Variants in AOPEP observed in about 807,000 individuals in gnomAD.
AOPEP encodes the protein aminopeptidase O.
A neutral mutation model predicts 98.1 loss-of-function variants in AOPEP; 77 were observed. The ratio of observed to expected loss-of-function variants is 0.78; its 90% CI spans 0.65 to 0.95. The LOEUF (loss-of-function observed/expected upper bound fraction) is 0.95, where lower values mean the gene tolerates loss of function less well. Among genes scored for constraint, AOPEP ranks in the 40% least tolerant of loss-of-function variants. The pLI, the probability that AOPEP is intolerant of heterozygous loss-of-function variation, is 0.00. For missense variants in AOPEP, 1,024 were observed against 1,024.7 expected, an observed-to-expected ratio of 1.00 and a Z score of 0.01; for synonymous variants, 346 against 365.3, an observed-to-expected ratio of 0.95 and a Z score of 0.60.
intron 5 of AOPEP, among the ~76,000 whole-genome samples, chr9:94,805,214 C>T (rs987393846): frequency 3.9e-5 from 6 of 151,926 alleles, no homozygotes; most frequent in African/African-American, 7.3e-5. Flanking sequence ...TACCATCTCC[C>T]GACTGGCTAA....
chr9:95,086,456 C>G (rs1310100421), intron 16 of AOPEP: 1 of 985,306 alleles, frequency 1.0e-6, no homozygotes, highest in East Asian at 1.1e-4. Flanking sequence ...ATTGTGTACG[C>G]AAAGCCTGAG....
chr9:94,982,986 T>C (rs2060284604), intron 11 of AOPEP, among the ~76,000 whole-genome samples: 2 of 152,200 alleles, frequency 1.3e-5, no homozygotes. Flanking sequence ...CTCCTTATTT[T>C]AGTTGCTACA....
intron 5 of AOPEP, among the ~76,000 whole-genome samples, chr9:94,821,895 G>A (rs571633516): frequency 1.3e-5 from 2 of 150,448 alleles, no homozygotes; most frequent in African/African-American, 4.9e-5. Context: ...GTTTTTTTTT[G>A]TATTTCTAAA....
chr9:94,922,492 C>G (rs1399014445), intron 5 of AOPEP, among the ~76,000 whole-genome samples: 1 of 152,244 alleles, frequency 6.6e-6, no homozygotes, highest in Non-Finnish European at 1.5e-5. Context: ...TGGTACATTT[C>G]TGTGGCTTTT....
chr9:94,896,567 TTGATG>T (rs2049592147), intron 5 of AOPEP, among the ~76,000 whole-genome samples: 1 of 152,224 alleles, frequency 6.6e-6, no homozygotes, highest in Non-Finnish European at 1.5e-5. Context: ...AGCAGGTTCC[TTGATG>T]TGATGTGATG....
At chr9:94,771,890 G>A (rs1285565412) in intron 2 of AOPEP, among the ~76,000 whole-genome samples, 2 of 151,886 alleles carry the variant, frequency 1.3e-5, no homozygotes, top group African/African-American at 2.4e-5. Context: ...TGGTCTCTCC[G>A]CTCTTCTATC....
At chr9:94,914,629 T>A (rs1441650790) in intron 5 of AOPEP, among the ~76,000 whole-genome samples, 1 of 151,954 alleles carries the variant, frequency 6.6e-6, no homozygotes, top group Non-Finnish European at 1.5e-5. Flanking sequence ...ATCTTTCAAA[T>A]TTTTAATGTA....
intron 5 of AOPEP, among the ~76,000 whole-genome samples, chr9:94,889,020 C>A (rs558382590): frequency 2.0e-5 from 3 of 152,050 alleles, no homozygotes; most frequent in African/African-American, 7.2e-5. Flanking sequence ...CCCTGCCCCT[C>A]GAAACCTCTC....
intron 15 of AOPEP, among the ~76,000 whole-genome samples, chr9:95,081,231 C>G (rs1466803232): frequency 6.6e-6 from 1 of 152,228 alleles, no homozygotes; most frequent in Non-Finnish European, 1.5e-5. Flanking sequence ...GAGAGCTTTT[C>G]TCACTGTTCA....
At chr9:94,887,719 G>A (rs866197992) in intron 5 of AOPEP, among the ~76,000 whole-genome samples, 3 of 152,264 alleles carry the variant, frequency 2.0e-5, no homozygotes, top group Middle Eastern at 3.4e-3. Context: ...GAGATAACTC[G>A]GTCCTCTCTT....
chr9:95,009,708 C>T (rs903343009), intron 13 of AOPEP, among the ~76,000 whole-genome samples: 5 of 152,222 alleles, frequency 3.3e-5, no homozygotes, highest in African/African-American at 7.2e-5. Context: ...CCAACAACAG[C>T]GCACTTCAAT....
the AOPEP span, among the ~76,000 whole-genome samples, chr9:95,143,707 G>A: frequency 3.9e-5 from 6 of 152,112 alleles, no homozygotes; most frequent in Non-Finnish European, 7.3e-5. Flanking sequence ...TATTTTTGAA[G>A]CAGTGGATTC....
chr9:94,792,779 T>A lies in AOPEP; in HGVS notation c.979T>A (p.Tyr327Asn). The A allele has an allele frequency of 6.2e-7, 1 of 1,610,482 alleles. No individual in the cohort carries two copies. The highest frequency in any genetic ancestry group is 8.5e-7 in the Non-Finnish European group (1 of 1,177,816). ...CCTGTTTACAGAGTGCTCAAGCTGG[T>A]ATTACTATGTAACTATGCCAATGCC... ...TQLWEECSSW[Y>N]YYVTMPMPAS... is the part of the protein sequence containing the mutation. Residue 327 changes from tyrosine (Y) to asparagine (N), a missense_variant, in exon 4 of 17, where the codon TAT becomes AAT. Physicochemically the swap from Tyr to Asn is moderately radical, Grantham distance 143 (BLOSUM62 -2). Coordinates refer to ENST00000375315, the MANE Select transcript of AOPEP (RefSeq NM_001193329.3).
intron 16 of AOPEP, among the ~76,000 whole-genome samples, chr9:95,083,500 CAG>C (rs773003653): frequency 2.6e-5 from 4 of 150,956 alleles, no homozygotes; most frequent in South Asian, 2.1e-4. Flanking sequence ...ACACACCACA[CAG>C]AGCACCTGGA....
chr9:95,022,875 C>T (rs1290063996), intron 13 of AOPEP, among the ~76,000 whole-genome samples: 3 of 152,046 alleles, frequency 2.0e-5, no homozygotes, highest in African/African-American at 7.3e-5. Context: ...CTTATTTTTC[C>T]ATAGAACTTT....
the AOPEP span, among the ~76,000 whole-genome samples, chr9:95,121,807 T>C: frequency 1.3e-5 from 2 of 151,944 alleles, no homozygotes; most frequent in African/African-American, 4.8e-5. Context: ...GTCATATATA[T>C]GTGATCAAAC....
chr9:94,744,701 C>CAAAAAAAAAA (rs757571360), intron 1 of AOPEP, among the ~76,000 whole-genome samples: 3 of 56,038 alleles, frequency 5.4e-5, no homozygotes, highest in African/African-American at 1.2e-4. Flanking sequence ...GACTCTGTCT[C>CAAAAAAAAAA]AAAAAAAAAA....
At chr9:95,025,049 A>T (rs2063735702) in intron 13 of AOPEP, among the ~76,000 whole-genome samples, 1 of 152,222 alleles carries the variant, frequency 6.6e-6, no homozygotes, top group Admixed American at 6.5e-5. Flanking sequence ...TATAAAAATC[A>T]AATCATTATA....
intron 5 of AOPEP, among the ~76,000 whole-genome samples, chr9:94,874,867 T>C (rs1369615350): frequency 6.6e-6 from 1 of 152,210 alleles, no homozygotes; most frequent in Non-Finnish European, 1.5e-5. Flanking sequence ...CTTTGCTGAA[T>C]TGACATTTTA....
Sources: gnomAD v4.1 joint callset for allele counts (sites outside exome capture counted in the v4.1 genomes callset) on GRCh38, gnomAD v4.1.1 for gene constraint, MANE v1.5 for transcripts, NCBI Gene and HGNC (gene_info 2026-07-23, HGNC 2026-07-21) for gene names.